HHAT: variants seen among roughly 807,000 people sequenced by gnomAD.
HHAT encodes the protein protein-cysteine N-palmitoyltransferase HHAT.
A neutral mutation model predicts 70.8 loss-of-function variants in HHAT; 47 were observed. The ratio of observed to expected loss-of-function variants is 0.66; its 90% CI spans 0.53 to 0.85. The LOEUF (loss-of-function observed/expected upper bound fraction) is 0.85, where lower values mean the gene tolerates loss of function less well. Among genes scored for constraint, HHAT ranks in the 40% least tolerant of loss-of-function variants. The pLI, the probability that HHAT is intolerant of heterozygous loss-of-function variation, is 0.00. For missense variants in HHAT, 609 were observed against 604.8 expected (o/e 1.01, Z -0.07); for synonymous variants, 228 against 247.6 (o/e 0.92, Z 0.74).
chr1:210,583,311 G>A (rs750779427), intron 9 of HHAT, among the ~76,000 whole-genome samples: 1 of 152,194 alleles, frequency 6.6e-6, no homozygotes, highest in Non-Finnish European at 1.5e-5. Context: ...GTGACCACGC[G>A]AAGCCGGCCA....
Position 210,340,242 on chromosome 1 carries a change from G to GGGGAAAAAAA in HHAT, c.-43-8691_-43-8690insGGGAAAAAAA, listed in dbSNP as rs1553313987. Among the ~76,000 whole-genome samples the GGGGAAAAAAA allele has an allele frequency of 1.1e-3, 105 of 99,778 alleles. 7 individuals carry two copies. Among genetic ancestry groups the GGGGAAAAAAA allele is most frequent in the African/African-American group, 3.4e-3 (101 of 29,622 alleles). 65.5% of individuals were successfully genotyped at this position (99,778 alleles called of 152,430 possible). A position where few individuals can be genotyped will look rare whatever the true frequency, so the allele number is the denominator to read the frequency against. ...GGGGATAGAGCAAGACTCTGTCTCA[G>GGGGAAAAAAA]AAAAAAAAAAAAAAAAAAAAAAAAA... On this transcript the variant is annotated intron_variant, in intron 1 of 11. Transcript: ENST00000261458.
chr1:210,385,452 G>A (rs774357568), intron 3 of HHAT, among the ~76,000 whole-genome samples: 8 of 152,162 alleles, frequency 5.3e-5, no homozygotes, highest in African/African-American at 7.2e-5. Flanking sequence ...CTGTGGATCA[G>A]GGATCAGGAG....
chr1:210,376,879 G>A (rs1174706181), intron 3 of HHAT, among the ~76,000 whole-genome samples: 1 of 152,168 alleles, frequency 6.6e-6, no homozygotes, highest in East Asian at 1.9e-4. Flanking sequence ...TAGATAGATG[G>A]CAAAAATGTT....
chr1:210,370,691 T>G (rs902008498), intron 3 of HHAT, among the ~76,000 whole-genome samples: 1 of 143,154 alleles, frequency 7.0e-6, no homozygotes, highest in Non-Finnish European at 1.5e-5. Flanking sequence ...CTTGGCTCAC[T>G]GCAACCTCCG....
chr1:210,564,308 G>A (rs959378088), intron 9 of HHAT, among the ~76,000 whole-genome samples: 2 of 152,110 alleles, frequency 1.3e-5, no homozygotes, highest in Admixed American at 6.6e-5. Context: ...GTGTGAGCAC[G>A]TAGAAGTTAA....
chr1:210,409,248 A>AG (rs2092444014), intron 6 of HHAT, among the ~76,000 whole-genome samples: 1 of 152,176 alleles, frequency 6.6e-6, no homozygotes, highest in African/African-American at 2.4e-5. Context: ...AGGCAAAGAG[A>AG]GGCTATTACA....
At chr1:210,589,933 G>A (rs528951499) in intron 10 of HHAT, 1 of 152,244 alleles carries the variant, frequency 6.6e-6, no homozygotes, top group East Asian at 1.9e-4. Flanking sequence ...TGTCTTATAT[G>A]TTGCAAGTAT....
intron 11 of HHAT, among the ~76,000 whole-genome samples, chr1:210,653,529 CAA>C (rs35279362): frequency 2.6e-4 from 31 of 120,124 alleles, no homozygotes; most frequent in East Asian, 4.8e-4. Flanking sequence ...GACCCTGTCT[CAA>C]AAAAAAAAAA....
chr1:210,440,436 A>G (rs1028388192), intron 7 of HHAT, among the ~76,000 whole-genome samples: 7 of 151,652 alleles, frequency 4.6e-5, no homozygotes, highest in South Asian at 4.2e-4. Context: ...CCCCATGGCA[A>G]TCAGTCCTTG....
chr1:210,467,950 G>GA (rs1480826822), intron 8 of HHAT, among the ~76,000 whole-genome samples: 4 of 152,254 alleles, frequency 2.6e-5, no homozygotes, highest in East Asian at 1.9e-4. Flanking sequence ...TTACCAGAGA[G>GA]AAAATCTTCC....
chr1:210,458,241 C>T (rs532251109), intron 7 of HHAT, among the ~76,000 whole-genome samples: 3 of 152,062 alleles, frequency 2.0e-5, no homozygotes, highest in Non-Finnish European at 4.4e-5. Flanking sequence ...GGGGGCAATA[C>T]TTGTGGGATA....
intron 8 of HHAT, among the ~76,000 whole-genome samples, chr1:210,512,823 T>C (rs1430151475): frequency 6.6e-6 from 1 of 152,118 alleles, no homozygotes; most frequent in Non-Finnish European, 1.5e-5. Flanking sequence ...TGGCCTATAT[T>C]TCTAGAGAGA....
At chr1:210,579,308 A>T (rs1026049308) in intron 9 of HHAT, among the ~76,000 whole-genome samples, 3 of 152,202 alleles carry the variant, frequency 2.0e-5, no homozygotes, top group Non-Finnish European at 2.9e-5. Flanking sequence ...AGTCAAACTC[A>T]TAGAAGCGAA....
At chr1:210,406,743 C>T (rs1420191780) in intron 6 of HHAT, among the ~76,000 whole-genome samples, 1 of 152,106 alleles carries the variant, frequency 6.6e-6, no homozygotes, top group African/African-American at 2.4e-5. Flanking sequence ...CTAGCAGGGT[C>T]CTGTGTCACA....
intron 10 of HHAT, among the ~76,000 whole-genome samples, chr1:210,622,774 G>A (rs912084536): frequency 6.6e-6 from 1 of 152,194 alleles, no homozygotes; most frequent in African/African-American, 2.4e-5. Flanking sequence ...CAGGTTTAGG[G>A]GGTGGTTGGA....
chr1:210,521,538 T>G (rs1478527492), intron 9 of HHAT, among the ~76,000 whole-genome samples: 2 of 152,232 alleles, frequency 1.3e-5, no homozygotes, highest in Non-Finnish European at 2.9e-5. Context: ...TAGCTTTCTT[T>G]ATATTGGATA....
At chr1:210,404,721 G>T (rs562590443) in intron 6 of HHAT, 42 bp downstream of exon 6, 71 of 1,523,216 alleles carry the variant, frequency 4.7e-5, no homozygotes, top group South Asian at 3.9e-4. Context: ...TATAGCTTAA[G>T]CCTTTGTCGC....
chr1:210,582,153 T>C (rs996959432), intron 9 of HHAT, among the ~76,000 whole-genome samples: 2 of 152,028 alleles, frequency 1.3e-5, no homozygotes, highest in Non-Finnish European at 2.9e-5. Context: ...TGTTGGAAAA[T>C]CAGGGAGGAT....
intron 10 of HHAT, among the ~76,000 whole-genome samples, chr1:210,604,220 C>T (rs1157038938): frequency 3.3e-5 from 5 of 150,740 alleles, no homozygotes; most frequent in Non-Finnish European, 5.9e-5. Context: ...GTTGGGACTA[C>T]AGGTGCATGC....
Sources: gnomAD v4.1 joint callset for allele counts (sites outside exome capture counted in the v4.1 genomes callset) on GRCh38, gnomAD v4.1.1 for gene constraint, MANE v1.5 for transcripts, NCBI Gene and HGNC (gene_info 2026-07-23, HGNC 2026-07-21) for gene names.